MID2: variants seen among roughly 807,000 people sequenced by gnomAD.
MID2 encodes the protein midline 2.
In MID2, 13 loss-of-function variants were observed where a neutral mutation model predicts 46.1. The observed-to-expected ratio is 0.28, with a 90% CI of 0.18 to 0.45. MID2 has a LOEUF of 0.45. Among genes scored for constraint, MID2 ranks in the 20% least tolerant of loss-of-function variants. The pLI is 1.00. For missense variants in MID2, 431 were observed against 575.4 expected (o/e 0.75, Z 2.57); for synonymous variants, 199 against 212.3 (o/e 0.94, Z 0.55).
At chrX:107,875,874 T>G (rs184102374) in intron 3 of MID2, among the ~76,000 whole-genome samples, 1 of 111,774 alleles carries the variant, frequency 8.9e-6, no homozygotes, top group African/African-American at 3.3e-5. Flanking sequence ...CTTTCCTCCC[T>G]TTGATTTTCA....
intron 2 of MID2, among the ~76,000 whole-genome samples, chrX:107,846,717 T>G (rs1294705427): frequency 8.9e-6 from 1 of 112,083 alleles, no homozygotes; most frequent in South Asian, 3.8e-4. Flanking sequence ...TTTTGGAAGA[T>G]GTTTTCCATT....
chrX:107,911,194 G>A (rs1275072163), intron 5 of MID2, among the ~76,000 whole-genome samples: 1 of 110,550 alleles, frequency 9.0e-6, no homozygotes, highest in Non-Finnish European at 1.9e-5. Flanking sequence ...TGGGCACTCA[G>A]TGAATCTTTC....
intron 2 of MID2, among the ~76,000 whole-genome samples, chrX:107,844,606 C>T (rs1338140530): frequency 1.8e-5 from 2 of 111,341 alleles, no homozygotes; most frequent in South Asian, 3.8e-4. Context: ...GGCCAAATTT[C>T]GGTGACTGTC....
At position 107,930,238 on chromosome X, in the gene MID2, TTTG is replaced by T. The variant is rs773018018; in HGVS notation, c.*3168_*3170del. Among the ~76,000 whole-genome samples, 2 of 111,886 alleles carry T rather than the reference TTTG, an allele frequency of 1.8e-5. No homozygotes were observed. The highest frequency in any genetic ancestry group is 3.8e-5 in the Non-Finnish European group (2 of 53,082). ...TTGTACTCTCATGTTCGTAGTGATG[TTTG>T]TTACTTCCTGGGCAGAAAAGCTTGG... On this transcript the variant is annotated 3_prime_UTR_variant, in exon 10 of 10. Transcript: ENST00000262843.
chrX:107,833,195 T>G (rs1931128377), intron 1 of MID2, among the ~76,000 whole-genome samples: 2 of 111,095 alleles, frequency 1.8e-5, no homozygotes, highest in South Asian at 7.5e-4. Context: ...TGGTAACAGA[T>G]AGCAAGAGCT....
intron 8 of MID2, among the ~76,000 whole-genome samples, chrX:107,925,502 T>G (rs1187693363): frequency 8.9e-6 from 1 of 112,080 alleles, no homozygotes; most frequent in African/African-American, 3.2e-5. Context: ...ACAGTCACTC[T>G]AACAAAATTG....
intron 7 of MID2, among the ~76,000 whole-genome samples, chrX:107,923,189 C>G (rs143091681): frequency 8.9e-6 from 1 of 112,037 alleles, no homozygotes; most frequent in African/African-American, 3.2e-5. Flanking sequence ...TTCAACCTCA[C>G]TAAATTTTGT....
Position 107,929,180 on chromosome X carries a change from C to A in MID2, c.*2107C>A, listed in dbSNP as rs1201322167. Among the ~76,000 whole-genome samples, 1 of 112,139 alleles carries A rather than the reference C, an allele frequency of 8.9e-6. No individual in the cohort carries two copies. The highest frequency in any genetic ancestry group is 1.9e-5 in the Non-Finnish European group (1 of 53,158). ...CCATAAATATTAATCTCTTTCCTTA[C>A]TCCCAGCTCCAATACAGCGTAACAG... On this transcript the variant is annotated 3_prime_UTR_variant, in exon 10 of 10. Coordinates refer to ENST00000262843, the MANE Select transcript of MID2 (RefSeq NM_012216.4).
chrX:107,838,472 A>T (rs987006585), intron 1 of MID2, among the ~76,000 whole-genome samples: 3 of 112,458 alleles, frequency 2.7e-5, no homozygotes, highest in Non-Finnish European at 5.6e-5. Flanking sequence ...CTAAAAGAAA[A>T]ATACCTTGTC....
At position 107,926,908 on chromosome X, in the gene MID2, G is replaced by A; in HGVS notation, c.2043G>A (p.Val681=). Residue 681 remains valine (V), a synonymous_variant, in exon 10 of 10, where the codon GTG becomes GTA. Coordinates refer to ENST00000262843, the MANE Select transcript of MID2 (RefSeq NM_012216.4). ...ANSLHLHTFD[V]TFILPVCPTF... ...CTCTCCATCTTCATACTTTTGATGT[G>A]ACCTTCATTCTTCCAGTTTGTCCAA... 3.3e-6 allele frequency: 4 copies of A among 1,211,233 alleles called. No homozygotes were observed. Among genetic ancestry groups the A allele is most frequent in the Non-Finnish European group, 4.5e-6 (4 of 895,109 alleles).
chrX:107,926,928 G>T lies in MID2; in HGVS notation c.2063G>T (p.Cys688Phe). Residue 688 changes from cysteine to phenylalanine, a missense_variant, in exon 10 of 10, where the codon TGT becomes TTT. Physicochemically the swap from Cys to Phe is radical, Grantham distance 205 (BLOSUM62 -2). Transcript: ENST00000262843. ...GATGTGACCTTCATTCTTCCAGTTT[G>T]TCCAACATTTACAATCTGGAACAAA... ...TFDVTFILPV[C>F]PTFTIWNKSL... 2 of 1,211,374 alleles carry T rather than the reference G, an allele frequency of 1.7e-6. No homozygotes were observed.
At chrX:107,903,057 G>A (rs1036160825) in intron 3 of MID2, among the ~76,000 whole-genome samples, 5 of 111,764 alleles carry the variant, frequency 4.5e-5, no homozygotes, top group Admixed American at 1.9e-4. Context: ...CAGTTTCCCC[G>A]TATGTGAAAT....
At chrX:107,843,789 ATT>A (rs1179641153) in intron 2 of MID2, among the ~76,000 whole-genome samples, 1 of 110,572 alleles carries the variant, frequency 9.0e-6, no homozygotes, top group African/African-American at 3.3e-5. Context: ...CTTTGGGTTA[ATT>A]TTAAATTGGA....
chrX:107,889,259 C>T (rs750654589), intron 3 of MID2, among the ~76,000 whole-genome samples: 13 of 111,505 alleles, frequency 1.2e-4, no homozygotes, highest in South Asian at 3.8e-4. Context: ...TGGCTGGTAC[C>T]GGTTATTCCT....
intron 3 of MID2, among the ~76,000 whole-genome samples, chrX:107,865,382 T>C (rs1226691010): frequency 8.9e-6 from 1 of 112,681 alleles, no homozygotes; most frequent in Non-Finnish European, 1.9e-5. Context: ...CTGCACGTGC[T>C]ATGCATCTGT....
At chrX:107,924,209 A>T in intron 7 of MID2, 134 bp from the exon 8 acceptor site, 1 of 583,398 alleles carries the variant, frequency 1.7e-6, no homozygotes, top group Non-Finnish European at 2.7e-6. Context: ...TCATCTCATT[A>T]CATCTTCTAA....
chrX:107,835,150 C>G (rs6622267), intron 1 of MID2, among the ~76,000 whole-genome samples: 1,297 of 112,020 alleles, frequency 0.012, 14 homozygotes, highest in African/African-American at 0.039. Flanking sequence ...CCTTTTGTGA[C>G]TGGCTTCTTT....
chrX:107,864,999 A>C (rs1246048760), intron 3 of MID2, among the ~76,000 whole-genome samples: 13 of 112,106 alleles, frequency 1.2e-4, no homozygotes, highest in Non-Finnish European at 1.9e-4. Context: ...CCACACAATA[A>C]CCCAATGAAG....
intron 3 of MID2, chrX:107,894,521 G>A (rs1444497477): frequency 8.9e-6 from 1 of 111,808 alleles, no homozygotes; most frequent in Non-Finnish European, 1.9e-5. Flanking sequence ...ACTATTTTGA[G>A]TGTGCAAAAA....
Sources: gnomAD v4.1 joint callset for allele counts (sites outside exome capture counted in the v4.1 genomes callset) on GRCh38, gnomAD v4.1.1 for gene constraint, MANE v1.5 for transcripts, NCBI Gene and HGNC (gene_info 2026-07-23, HGNC 2026-07-21) for gene names.